GNAZ: variants seen among roughly 807,000 people sequenced by gnomAD.
GNAZ encodes guanine nucleotide-binding protein G(z) subunit alpha.
A neutral mutation model predicts 25.4 loss-of-function variants in GNAZ; 3 were observed. That is an observed-to-expected ratio of 0.12 (90% CI 0.05 to 0.30). The LOEUF is 0.30. Ranked by LOEUF, GNAZ falls within the 10% of genes least tolerant of loss-of-function variation. The pLI is 1.00. For synonymous variants in GNAZ, 211 were observed against 205.7 expected (o/e 1.03, Z -0.22); for missense variants, 241 against 501.8 (o/e 0.48, Z 4.97).
chr22:23,089,943 C>G (rs2068920753), intron 1 of GNAZ, among the ~76,000 whole-genome samples: 1 of 152,190 alleles, frequency 6.6e-6, no homozygotes, highest in Non-Finnish European at 1.5e-5. Flanking sequence ...GCACAGCCCA[C>G]TAGGGCTTCT....
intron 2 of GNAZ, among the ~76,000 whole-genome samples, chr22:23,120,865 C>G (rs966767523): frequency 1.3e-5 from 2 of 152,166 alleles, no homozygotes; most frequent in African/African-American, 4.8e-5. Context: ...AGTGTTTGCT[C>G]AGTAAATTAA....
At chr22:23,106,942 C>T (rs552055832) in intron 2 of GNAZ, among the ~76,000 whole-genome samples, 52 of 152,306 alleles carry the variant, frequency 3.4e-4, no homozygotes, top group African/African-American at 1.2e-3. Context: ...ACTGCACACA[C>T]AGGGAAACCA....
chr22:23,112,112 C>T (rs1215662068), intron 2 of GNAZ, among the ~76,000 whole-genome samples: 2 of 152,168 alleles, frequency 1.3e-5, no homozygotes, highest in Non-Finnish European at 2.9e-5. Context: ...CACAGGCACC[C>T]TCAGCCTCCT....
At position 23,088,409 on chromosome 22, in the gene GNAZ, C is replaced by T. The variant is rs550710268; in HGVS notation, c.-449-6838C>T. The stretch of plus-strand genomic sequence containing the variant: ...TGGAGATCTGTCACTGCGCGGGCCT[C>T]CTCCCTCCCCAGACCAGCTGCTGGG... On this transcript the variant is annotated intron_variant, in intron 1 of 2. Transcript: ENST00000615612. Among the ~76,000 whole-genome samples, 95 of 152,202 alleles carry T rather than the reference C, an allele frequency of 6.2e-4. 1 individual carries two copies. The highest frequency in any genetic ancestry group is 1.2e-3 in the Non-Finnish European group (82 of 68,026).
rs545964245 is a variant in GNAZ at position 23,079,031 on chromosome 22, A to G, written c.-450+8461A>G. On this transcript the variant is annotated intron_variant, in intron 1 of 2. Coordinates refer to ENST00000615612, the MANE Select transcript of GNAZ (RefSeq NM_002073.4). ...TTGACCGATTCCTCACTCAGTCACT[A>G]CGAGGGCCTGGGATTGATTTATTGG... Among the ~76,000 whole-genome samples, 81 of 152,302 alleles carry G rather than the reference A, an allele frequency of 5.3e-4. 1 individual carries two copies. The South Asian group carries it at 0.014, about 27-fold the overall frequency.
chr22:23,111,308 C>G (rs373991210), intron 2 of GNAZ, among the ~76,000 whole-genome samples: 1 of 152,168 alleles, frequency 6.6e-6, no homozygotes, highest in African/African-American at 2.4e-5. Context: ...GGCTCTGTAC[C>G]GAGCAGGGGG....
At chr22:23,122,149 G>A (rs1428942401) in intron 2 of GNAZ, among the ~76,000 whole-genome samples, 5 of 152,234 alleles carry the variant, frequency 3.3e-5, no homozygotes, top group African/African-American at 4.8e-5. Context: ...GCAAATTCCA[G>A]GTAGTTACTC....
At chr22:23,092,514 A>G (rs2069009883) in intron 1 of GNAZ, among the ~76,000 whole-genome samples, 1 of 152,076 alleles carries the variant, frequency 6.6e-6, no homozygotes, top group Non-Finnish European at 1.5e-5. Flanking sequence ...CTTGGTTGTG[A>G]CTGTTCGTCA....
chr22:23,086,080 C>G (rs1043090019), intron 1 of GNAZ, among the ~76,000 whole-genome samples: 1 of 152,260 alleles, frequency 6.6e-6, no homozygotes, highest in African/African-American at 2.4e-5. Context: ...CTTCTGTCTA[C>G]GGCGGGTGAC....
At chr22:23,083,818 A>G (rs1022496038) in intron 1 of GNAZ, among the ~76,000 whole-genome samples, 2 of 152,334 alleles carry the variant, frequency 1.3e-5, no homozygotes, top group East Asian at 1.9e-4. Context: ...CACCTGTTCA[A>G]GGTCGCGCGG....
intron 2 of GNAZ, chr22:23,122,586 A>T (rs2070061473): frequency 6.2e-6 from 1 of 160,778 alleles, no homozygotes; most frequent in South Asian, 1.8e-4. Context: ...ACATGGAAGG[A>T]TCAGAGTTTT....
chr22:23,107,266 C>G (rs1022835817), intron 2 of GNAZ, among the ~76,000 whole-genome samples: 1 of 152,196 alleles, frequency 6.6e-6, no homozygotes, highest in African/African-American at 2.4e-5. Context: ...TGCCCTGGCC[C>G]CCATCCCAGA....
chr22:23,079,466 G>A (rs1457295516), intron 1 of GNAZ, among the ~76,000 whole-genome samples: 1 of 152,152 alleles, frequency 6.6e-6, no homozygotes, highest in Non-Finnish European at 1.5e-5. Context: ...AGTGGGGGAG[G>A]GGGAGCATGG....
In GNAZ at chr22:23,095,836, C is replaced by T; in HGVS notation, c.141C>T (p.Ser47=). ...TGGGCACCAGCAACTCAGGCAAGAG[C>T]ACCATCGTCAAACAGATGAAGATCA... ...LLLGTSNSGK[S]TIVKQMKIIH... Residue 47 remains serine, a synonymous_variant, in exon 2 of 3, where the codon AGC becomes AGT. Coordinates refer to ENST00000615612, the MANE Select transcript of GNAZ (RefSeq NM_002073.4). 1.2e-6 allele frequency: 2 copies of T among 1,613,706 alleles called. No homozygotes were observed. The highest frequency in any genetic ancestry group is 1.7e-6 in the Non-Finnish European group (2 of 1,180,002).
rs1205489923 is a variant in GNAZ, at chr22:23,082,031, A to G, written c.-450+11461A>G. The stretch of plus-strand genomic sequence containing the variant: ...TCCTAGCTACTTGGGAGGCTGAGGC[A>G]GGAGAATGGCATGAACCCAGGACGC... On this transcript the variant is annotated intron_variant, in intron 1 of 2. Coordinates refer to ENST00000615612, the MANE Select transcript of GNAZ (RefSeq NM_002073.4). Among the ~76,000 whole-genome samples, 25 of 149,584 alleles carry G rather than the reference A, an allele frequency of 1.7e-4. No individual in the cohort carries two copies. In the East Asian group the frequency reaches 4.8e-3, roughly 29 times the overall value.
chr22:23,117,278 G>A (rs1434336892), intron 2 of GNAZ, among the ~76,000 whole-genome samples: 1 of 152,184 alleles, frequency 6.6e-6, no homozygotes, highest in Admixed American at 6.5e-5. Context: ...GACACGGTAT[G>A]TTTTAAGTAA....
intron 2 of GNAZ, among the ~76,000 whole-genome samples, chr22:23,118,477 G>GC (rs2069914969): frequency 7.3e-6 from 1 of 137,412 alleles, no homozygotes; most frequent in African/African-American, 2.7e-5. Flanking sequence ...TCCCCGCCCC[G>GC]CCCCACCCCC....
chr22:23,072,498 C>A (rs562226185), intron 1 of GNAZ, among the ~76,000 whole-genome samples: 1 of 152,186 alleles, frequency 6.6e-6, no homozygotes, highest in African/African-American at 2.4e-5. Flanking sequence ...CACTTTCCCC[C>A]CTAAGTCAGC....
At chr22:23,099,152 G>A (rs1601799124) in intron 2 of GNAZ, among the ~76,000 whole-genome samples, 1 of 152,274 alleles carries the variant, frequency 6.6e-6, no homozygotes, top group South Asian at 2.1e-4. Flanking sequence ...ACAGCCCCCC[G>A]GCCCACCCGC....
Sources: allele counts gnomAD v4.1 joint callset (sites outside exome capture counted in the v4.1 genomes callset), GRCh38; gene constraint gnomAD v4.1.1; transcripts MANE v1.5; gene names NCBI Gene and HGNC (gene_info 2026-07-23, HGNC 2026-07-21).